The following ZNF385B variants were observed in gnomAD, a reference collection of about 807,000 sequenced individuals.
The protein encoded by ZNF385B is zinc finger protein 385B.
In ZNF385B, 23 loss-of-function variants were observed where a neutral mutation model predicts 39.2. The ratio of observed to expected loss-of-function variants is 0.59; its 90% CI spans 0.42 to 0.83. The LOEUF (loss-of-function observed/expected upper bound fraction) is 0.83. Among genes scored for constraint, ZNF385B ranks in the 40% least tolerant of loss-of-function variants. ZNF385B has a pLI of 0.00. For missense variants in ZNF385B, 552 were observed against 598.9 expected (o/e 0.92, Z 0.82); for synonymous variants, 205 against 222.6 (o/e 0.92, Z 0.70).
intron 3 of ZNF385B, among the ~76,000 whole-genome samples, chr2:179,718,153 C>T (rs1167705025): frequency 2.6e-5 from 4 of 151,874 alleles, no homozygotes; most frequent in Non-Finnish European, 4.4e-5. Context: ...TGATATGAAG[C>T]ATCAGTATTT....
intron 3 of ZNF385B, among the ~76,000 whole-genome samples, chr2:179,740,577 C>A (rs1008267561): frequency 2.0e-5 from 3 of 152,142 alleles, no homozygotes. Context: ...GTTGGAAGAT[C>A]TTTAGGGATT....
chr2:179,490,554 A>G (rs1246346239), intron 5 of ZNF385B, among the ~76,000 whole-genome samples: 1 of 152,160 alleles, frequency 6.6e-6, no homozygotes, highest in Non-Finnish European at 1.5e-5. Flanking sequence ...AATAACTACA[A>G]CAGAATTTAC....
intron 3 of ZNF385B, among the ~76,000 whole-genome samples, chr2:179,635,415 G>A (rs1415530006): frequency 3.3e-5 from 5 of 151,630 alleles, no homozygotes; most frequent in Admixed American, 2.0e-4. Flanking sequence ...AATAGCATTA[G>A]GAGAAATACC....
At chr2:179,672,035 GGGC>G (rs1696078582) in intron 3 of ZNF385B, among the ~76,000 whole-genome samples, 1 of 152,236 alleles carries the variant, frequency 6.6e-6, no homozygotes, top group Non-Finnish European at 1.5e-5. Context: ...GCTGTGACAT[GGGC>G]TATGCCCTAC....
chr2:179,567,198 G>A (rs1037036013), intron 3 of ZNF385B, among the ~76,000 whole-genome samples: 11 of 152,070 alleles, frequency 7.2e-5, no homozygotes, highest in African/African-American at 2.7e-4. Flanking sequence ...TACAGGCATT[G>A]AGCCACCGTG....
At chr2:179,801,134 T>C (rs943806015) in intron 1 of ZNF385B, among the ~76,000 whole-genome samples, 1 of 152,034 alleles carries the variant, frequency 6.6e-6, no homozygotes, top group Admixed American at 6.6e-5. Context: ...TTACCTAATC[T>C]CAAAATATCC....
chr2:179,592,370 CAGTT>C lies in ZNF385B; in HGVS notation c.299-47405_299-47402del, dbSNP rs1249082227. Reference sequence around the variant, plus strand: ...ACTGACCACTGTAATTTAATAGCCTCAGTTAGCTGGATGGCTAAAATACACAATT... The same window carrying C: ...ACTGACCACTGTAATTTAATAGCCTCAGCTGGATGGCTAAAATACACAATT... On this transcript the variant is annotated intron_variant, in intron 3 of 9. Coordinates refer to ENST00000410066, the MANE Select transcript of ZNF385B (RefSeq NM_152520.6). Among the ~76,000 whole-genome samples the C allele has an allele frequency of 2.0e-5, 3 of 152,326 alleles. No individual in the cohort carries two copies. The South Asian group carries it at 6.2e-4, about 32-fold the overall frequency.
intron 3 of ZNF385B, among the ~76,000 whole-genome samples, chr2:179,764,566 C>T (rs376924776): frequency 6.6e-6 from 1 of 151,998 alleles, no homozygotes; most frequent in African/African-American, 2.4e-5. Context: ...CTTTTTAGGA[C>T]TCCATCTTTA....
At chr2:179,690,719 G>GT (rs1698291402) in intron 3 of ZNF385B, among the ~76,000 whole-genome samples, 1 of 152,164 alleles carries the variant, frequency 6.6e-6, no homozygotes, top group Admixed American at 6.5e-5. Context: ...CTATGCCTCA[G>GT]TTTTCTCATC....
intron 3 of ZNF385B, among the ~76,000 whole-genome samples, chr2:179,712,175 A>G (rs1700047706): frequency 6.6e-6 from 1 of 152,154 alleles, no homozygotes; most frequent in South Asian, 2.1e-4. Flanking sequence ...CTGGGTTGCT[A>G]AGTTTTGTTG....
intron 3 of ZNF385B, among the ~76,000 whole-genome samples, chr2:179,661,301 T>C (rs1045860211): frequency 1.3e-5 from 2 of 152,202 alleles, no homozygotes; most frequent in Non-Finnish European, 2.9e-5. Context: ...ATTTTTGCCA[T>C]TATGAAATTC....
chr2:179,638,989 C>T (rs1692010330), intron 3 of ZNF385B, among the ~76,000 whole-genome samples: 1 of 151,956 alleles, frequency 6.6e-6, no homozygotes, highest in Non-Finnish European at 1.5e-5. Context: ...GAGATTAAGG[C>T]AGCCTGATTG....
At chr2:179,732,475 T>C (rs1432556250) in intron 3 of ZNF385B, among the ~76,000 whole-genome samples, 1 of 152,180 alleles carries the variant, frequency 6.6e-6, no homozygotes, top group Non-Finnish European at 1.5e-5. Flanking sequence ...TCCAGCCAAT[T>C]TGGACCAATT....
intron 1 of ZNF385B, among the ~76,000 whole-genome samples, chr2:179,826,550 G>C (rs931818389): frequency 2.6e-5 from 4 of 152,046 alleles, no homozygotes; most frequent in Admixed American, 2.0e-4. Flanking sequence ...CTCCCAATAG[G>C]CACCTTTAAA....
intron 1 of ZNF385B, among the ~76,000 whole-genome samples, chr2:179,855,191 TG>T (rs1390206272): frequency 6.6e-6 from 1 of 152,220 alleles, no homozygotes; most frequent in Admixed American, 6.5e-5. Flanking sequence ...AATAACATAA[TG>T]GCTATTTCAG....
At chr2:179,831,390 A>G (rs74403797) in intron 1 of ZNF385B, among the ~76,000 whole-genome samples, 1,928 of 152,160 alleles carry the variant, frequency 0.013, 37 homozygotes, top group African/African-American at 0.043. Flanking sequence ...TGCACTCTTA[A>G]CCACAGTGCT....
chr2:179,799,685 C>A (rs770140099), intron 1 of ZNF385B, among the ~76,000 whole-genome samples: 1 of 151,968 alleles, frequency 6.6e-6, no homozygotes, highest in Admixed American at 6.6e-5. Flanking sequence ...AAAATACTAC[C>A]ACCAATGCCA....
intron 3 of ZNF385B, among the ~76,000 whole-genome samples, chr2:179,596,513 T>C (rs569027183): frequency 2.7e-4 from 41 of 152,188 alleles, no homozygotes; most frequent in Admixed American, 5.2e-4. Context: ...TCTACAAATC[T>C]TTTTGAGACT....
intron 6 of ZNF385B, 149 bp from the exon 7 acceptor site, chr2:179,446,919 C>T: frequency 1.0e-6 from 1 of 976,910 alleles, no homozygotes; most frequent in Non-Finnish European, 1.4e-6. Flanking sequence ...TTAAATCAAC[C>T]TCTATGTTTA....
Sources: gnomAD v4.1 joint callset for allele counts (sites outside exome capture counted in the v4.1 genomes callset) on GRCh38, gnomAD v4.1.1 for gene constraint, MANE v1.5 for transcripts, NCBI Gene and HGNC (gene_info 2026-07-23, HGNC 2026-07-21) for gene names.